The following ZDHHC18 variants were observed in gnomAD, a reference collection of about 807,000 sequenced individuals.
The protein encoded by ZDHHC18 is zDHHC palmitoyltransferase 18, also known as palmitoyltransferase ZDHHC18.
A neutral mutation model predicts 37.5 loss-of-function variants in ZDHHC18; 23 were observed. The observed-to-expected ratio is 0.61, with a 90% confidence interval of 0.44 to 0.87. The LOEUF (loss-of-function observed/expected upper bound fraction) is 0.87, where lower values mean the gene tolerates loss of function less well. Ranked by LOEUF, ZDHHC18 falls within the 40% of genes least tolerant of loss-of-function variation. The pLI, the probability that ZDHHC18 is intolerant of heterozygous loss-of-function variation, is 0.00. For synonymous variants in ZDHHC18, 185 were observed against 218.7 expected (o/e 0.85, Z 1.36); for missense variants, 406 against 525.6 (o/e 0.77, Z 2.22).
Position 26,826,891 on chromosome 1 carries a change from G to C in ZDHHC18, c.87G>C (p.Ala29=). 1.0e-6 allele frequency: 1 copy of C among 982,118 alleles called. No individual in the cohort carries two copies. The highest frequency in any genetic ancestry group is 4.5e-5 in the South Asian group (1 of 22,074). 60.8% of individuals were successfully genotyped at this position (982,118 alleles called of 1,614,324 possible). ...GGGCGCGCCGTCCCGGCCCCGCCGC[G>C]TCCCCGACTCCGGGCCCCGGGCCCG... ...SPGARRPGPA[A]SPTPGPGPAP... Residue 29 remains alanine (A), a synonymous_variant, in exon 1 of 8, where the codon GCG becomes GCC. Coordinates refer to ENST00000374142, the MANE Select transcript of ZDHHC18 (RefSeq NM_032283.3). This position sits in a 1 kb window ranked among gnomAD's most constrained non-coding sequence, Gnocchi z 5.2.
Position 26,854,069 on chromosome 1 carries a change from T to G in ZDHHC18, c.*226T>G. ...GGCCCTAGGTACCCCAGCTGATCAG[T>G]GCCAGGAGAGACCAGAGCCTCTGGA... On this transcript the variant is annotated 3_prime_UTR_variant, in exon 8 of 8. Transcript: ENST00000374142. This position sits in a 1 kb window ranked among gnomAD's most constrained non-coding sequence, Gnocchi z 4.6. 7.5e-6 allele frequency: 4 copies of G among 530,806 alleles called. No individual in the cohort carries two copies. The highest frequency in any genetic ancestry group is 6.8e-6 in the Non-Finnish European group (2 of 294,950). 32.9% of individuals were successfully genotyped at this position (530,806 alleles called of 1,614,324 possible).
chr1:26,842,089 G>A lies in ZDHHC18; in HGVS notation c.497-6519G>A, dbSNP rs180865827. On this transcript the variant is annotated intron_variant, in intron 2 of 7. Transcript: ENST00000374142. ...GTGGAGGTTGCAGTGAGCCAAGATCGCGCCACTGCACTCCAGCCTGGGCAA... is the reference window on the plus strand; with the variant it reads ...GTGGAGGTTGCAGTGAGCCAAGATCACGCCACTGCACTCCAGCCTGGGCAA... Among the ~76,000 whole-genome samples, 184 of 150,390 alleles carry A rather than the reference G, an allele frequency of 1.2e-3. 1 individual carries two copies. Among genetic ancestry groups the A allele is most frequent in the Middle Eastern group, 3.4e-3 (1 of 292 alleles).
At position 26,850,733 on chromosome 1, in the gene ZDHHC18, A is replaced by C; in HGVS notation, c.833+127A>C. On this transcript the variant is annotated intron_variant, in intron 5 of 7. Transcript: ENST00000374142. This position sits in a 1 kb window ranked among gnomAD's most constrained non-coding sequence, Gnocchi z 6.1. ...TCACATGTGTCCTCCAGAATCCAAC[A>C]TGCCAGCTCTTCTGTTCACACCCAG... 8.8e-7 allele frequency: 1 copy of C among 1,130,592 alleles called. No individual in the cohort carries two copies. Among genetic ancestry groups the C allele is most frequent in the Non-Finnish European group, 1.3e-6 (1 of 779,250 alleles). The allele number at this position is 1,130,592 out of a possible 1,614,324, so 70.0% of individuals were successfully genotyped here.
intron 2 of ZDHHC18, among the ~76,000 whole-genome samples, chr1:26,838,273 G>T (rs2081622640): frequency 6.6e-6 from 1 of 152,070 alleles, no homozygotes; most frequent in Admixed American, 6.6e-5. Context: ...GGAATTACAG[G>T]TGTGAGCCAC....
Position 26,850,218 on chromosome 1 carries a change from C to G in ZDHHC18, c.647-83C>G. ...GCGAGAGTGAACGGGGTAGGAAAGC[C>G]CCAGCCATGGGTGAGGCCGCCAAAT... On this transcript the variant is annotated intron_variant, in intron 3 of 7. Coordinates refer to ENST00000374142, the MANE Select transcript of ZDHHC18 (RefSeq NM_032283.3). The surrounding 1 kb of genome is among the most constrained non-coding windows in gnomAD (Gnocchi z 6.1). The G allele has an allele frequency of 6.5e-7, 1 of 1,538,858 alleles. No homozygotes were observed. The highest frequency in any genetic ancestry group is 8.8e-7 in the Non-Finnish European group (1 of 1,136,936).
chr1:26,848,470 C>A, intron 2 of ZDHHC18, 138 bp from the exon 3 acceptor site: 1 of 1,150,962 alleles, frequency 8.7e-7, no homozygotes, highest in Non-Finnish European at 1.3e-6. Flanking sequence ...AGACATTTTA[C>A]TCCAATGTTT....
intron 7 of ZDHHC18, 179 bp downstream of exon 7, chr1:26,853,044 T>C (rs2081714814): frequency 5.3e-6 from 3 of 570,154 alleles, no homozygotes; most frequent in Non-Finnish European, 9.2e-6. Flanking sequence ...CACGTGCTCA[T>C]TGTAGAAAAA....
At chr1:26,839,045 A>G (rs1221902767) in intron 2 of ZDHHC18, among the ~76,000 whole-genome samples, 1 of 152,266 alleles carries the variant, frequency 6.6e-6, no homozygotes, top group Non-Finnish European at 1.5e-5. Flanking sequence ...GCCCGCAGCC[A>G]GCCCTGGGGA....
At chr1:26,828,692 A>G (rs971172782) in intron 1 of ZDHHC18, among the ~76,000 whole-genome samples, 2 of 151,516 alleles carry the variant, frequency 1.3e-5, no homozygotes, top group African/African-American at 2.4e-5. Context: ...CTTTAACCAC[A>G]CACTCTGCCC....
At chr1:26,852,918 T>C in intron 7 of ZDHHC18, 53 bp downstream of exon 7, 2 of 1,556,170 alleles carry the variant, frequency 1.3e-6, no homozygotes, top group Non-Finnish European at 1.8e-6. Context: ...TGGCCAGTGA[T>C]CAAAGTGTTC....
chr1:26,853,786 C>T lies in ZDHHC18; in HGVS notation c.1110C>T (p.Ser370=), dbSNP rs1442805232. 8.7e-6 allele frequency: 14 copies of T among 1,613,934 alleles called. No homozygotes were observed. The highest frequency in any genetic ancestry group is 1.3e-5 in the African/African-American group (1 of 74,914). The change falls in exon 8 of 8, where the codon AGC becomes AGT. Residue 370 remains serine (S), a synonymous_variant. Transcript: ENST00000374142. The part of the protein sequence containing the change: ...SDTVLPSPIR[S]DEPACRAKPD... Reference sequence around the variant, plus strand: ...CCGTGTTGCCCTCACCCATCAGAAGCGATGAGCCAGCCTGCAGAGCCAAGC... The same window carrying T: ...CCGTGTTGCCCTCACCCATCAGAAGTGATGAGCCAGCCTGCAGAGCCAAGC...
chr1:26,838,953 C>T (rs571833863), intron 2 of ZDHHC18, among the ~76,000 whole-genome samples: 11 of 152,340 alleles, frequency 7.2e-5, no homozygotes, highest in Admixed American at 2.6e-4. Flanking sequence ...GCCTTAGAGG[C>T]GGGGAGACTG....
Position 26,850,268 on chromosome 1 carries a change from C to A in ZDHHC18, c.647-33C>A. ...TGCCTGTGCTGGCTGCAGGCCAGCC[C>A]ACACTAACCCATCGCCCCTTGCCCT... On this transcript the variant is annotated intron_variant, in intron 3 of 7. Coordinates refer to ENST00000374142, the MANE Select transcript of ZDHHC18 (RefSeq NM_032283.3). The surrounding 1 kb of genome is among the most constrained non-coding windows in gnomAD (Gnocchi z 6.1). The A allele has an allele frequency of 6.2e-7, 1 of 1,609,652 alleles. No individual in the cohort carries two copies. The highest frequency in any genetic ancestry group is 1.3e-5 in the African/African-American group (1 of 74,928).
At chr1:26,842,278 T>C (rs1266960119) in intron 2 of ZDHHC18, among the ~76,000 whole-genome samples, 1 of 152,202 alleles carries the variant, frequency 6.6e-6, no homozygotes, top group African/African-American at 2.4e-5. Context: ...TGCTTGGCCC[T>C]GTGAGTTAAT....
At chr1:26,853,290 G>C (rs2124270012) in intron 7 of ZDHHC18, 1 of 244,096 alleles carries the variant, frequency 4.1e-6, no homozygotes, top group South Asian at 5.8e-5. Flanking sequence ...CAGAGTTCCA[G>C]AACGGGGATT....
At chr1:26,852,202 T>C (rs2081708321) in intron 6 of ZDHHC18, among the ~76,000 whole-genome samples, 1 of 152,192 alleles carries the variant, frequency 6.6e-6, no homozygotes, top group Admixed American at 6.5e-5. Context: ...TGTGGCCAAA[T>C]AAGTGTAGAA....
rs1011657033 is a variant in ZDHHC18 at position 26,856,911 on chromosome 1, G to C, written c.*3068G>C. ...TCTCTGCCTCTCCAGGAATGGCCTGGGGGGAGCCAGGCACCCGGCACCTCC... is the reference window on the plus strand; with the variant it reads ...TCTCTGCCTCTCCAGGAATGGCCTGCGGGGAGCCAGGCACCCGGCACCTCC... On this transcript the variant is annotated 3_prime_UTR_variant, in exon 8 of 8. Coordinates refer to ENST00000374142, the MANE Select transcript of ZDHHC18 (RefSeq NM_032283.3). The surrounding 1 kb of genome is among the most constrained non-coding windows in gnomAD (Gnocchi z 5.2). 6.5e-6 allele frequency: 1 copy of C among 152,892 alleles called. No individual in the cohort carries two copies. Among genetic ancestry groups the C allele is most frequent in the Admixed American group, 6.5e-5 (1 of 15,284 alleles). The allele number at this position is 152,892 out of a possible 1,614,324, so 9.5% of individuals were successfully genotyped here. A position where few individuals can be genotyped will look rare whatever the true frequency, so the allele number is the denominator to read the frequency against.
chr1:26,852,092 G>A (rs1307282793), intron 6 of ZDHHC18, among the ~76,000 whole-genome samples: 2 of 152,252 alleles, frequency 1.3e-5, no homozygotes, highest in Non-Finnish European at 2.9e-5. Context: ...TGTGCCTGGT[G>A]ATCAGTGAGA....
intron 1 of ZDHHC18, among the ~76,000 whole-genome samples, chr1:26,832,223 T>C (rs1372512926): frequency 6.6e-6 from 1 of 152,196 alleles, no homozygotes; most frequent in Non-Finnish European, 1.5e-5. Flanking sequence ...TGCCATGTGC[T>C]CTGGAGGAAA....
Sources: allele counts gnomAD v4.1 joint callset (sites outside exome capture counted in the v4.1 genomes callset), GRCh38; gene constraint gnomAD v4.1.1; non-coding constraint Gnocchi (gnomAD v3.1); transcripts MANE v1.5; gene names NCBI Gene and HGNC (gene_info 2026-07-23, HGNC 2026-07-21).